Variants in OVCH1 observed in about 807,000 individuals in gnomAD.
OVCH1 encodes ovochymase-1.
In OVCH1, 139 loss-of-function variants were observed where a neutral mutation model predicts 138.4. That is an observed-to-expected ratio of 1.00 (90% CI 0.87 to 1.16). The LOEUF (loss-of-function observed/expected upper bound fraction) is 1.16. Among genes scored for constraint, OVCH1 ranks in the 50% most tolerant of loss-of-function variants. The probability of loss-of-function intolerance (pLI) is 0.00; values close to 1 mark genes in which losing one functional copy is unlikely to be tolerated. For missense variants in OVCH1, 1,367 were observed against 1,357.9 expected, an observed-to-expected ratio of 1.01 and a Z score of -0.11; for synonymous variants, 453 against 467.8, an observed-to-expected ratio of 0.97 and a Z score of 0.41.
chr12:29,440,968 G>A (rs1941469994), intron 25 of OVCH1, among the ~76,000 whole-genome samples: 1 of 152,062 alleles, frequency 6.6e-6, no homozygotes, highest in Non-Finnish European at 1.5e-5. Context: ...ATTACGCATT[G>A]GTATCCTTGA....
At chr12:29,450,683 TA>T (rs1423992181) in intron 22 of OVCH1, among the ~76,000 whole-genome samples, 2 of 152,180 alleles carry the variant, frequency 1.3e-5, no homozygotes, top group African/African-American at 4.8e-5. Context: ...CCCAAAGGAT[TA>T]TAAATCATTC....
downstream of OVCH1, among the ~76,000 whole-genome samples, chr12:29,410,317 T>G (rs1303790368): frequency 2.0e-5 from 3 of 151,186 alleles, no homozygotes; most frequent in African/African-American, 4.8e-5. Context: ...ATATTTAAAG[T>G]TAATATTTTT....
intron 22 of OVCH1, among the ~76,000 whole-genome samples, chr12:29,447,316 CAA>C (rs989003229): frequency 6.6e-6 from 1 of 151,724 alleles, no homozygotes; most frequent in Non-Finnish European, 1.5e-5. Flanking sequence ...AAAATAAAAG[CAA>C]AAAAGAAATT....
chr12:29,433,712 T>G, intron 27 of OVCH1: 1 of 1,402,044 alleles, frequency 7.1e-7, no homozygotes, highest in Non-Finnish European at 9.5e-7. Flanking sequence ...AATGTGAGAT[T>G]TTTTTCTATT....
intron 8 of OVCH1, among the ~76,000 whole-genome samples, chr12:29,480,159 C>T (rs1306389676): frequency 1.3e-5 from 2 of 152,076 alleles, no homozygotes; most frequent in Non-Finnish European, 2.9e-5. Flanking sequence ...AGTCCATCAT[C>T]CTGAATATAG....
At chr12:29,483,154 A>C (rs901679737) in intron 8 of OVCH1, among the ~76,000 whole-genome samples, 1 of 152,130 alleles carries the variant, frequency 6.6e-6, no homozygotes, top group Non-Finnish European at 1.5e-5. Flanking sequence ...ATACCTCTCA[A>C]AACATTGTTC....
chr12:29,485,959 AAAATAAAATAAAATAAATAAAT>A (rs749267133), intron 8 of OVCH1, among the ~76,000 whole-genome samples: 6,149 of 110,812 alleles, frequency 0.055, 154 homozygotes, highest in Middle Eastern at 0.12. Flanking sequence ...TAAATAAAAT[AAAATAAAATAAAATAAATAAAT>A]AAATAAATAA....
At chr12:29,466,140 T>A (rs1942310972) in intron 16 of OVCH1, among the ~76,000 whole-genome samples, 1 of 151,260 alleles carries the variant, frequency 6.6e-6, no homozygotes, top group African/African-American at 2.4e-5. Flanking sequence ...GAGATATACC[T>A]AATGTAAATG....
chr12:29,457,449 G>A lies in OVCH1; in HGVS notation c.2281-2044C>T, dbSNP rs186403313. Among the ~76,000 whole-genome samples the A allele has an allele frequency of 7.9e-4, 99 of 125,698 alleles. 1 individual carries two copies. The highest frequency in any genetic ancestry group is 2.5e-3 in the African/African-American group (83 of 33,828). The allele number at this position is 125,698 out of a possible 152,430, so 82.5% of individuals were successfully genotyped here. The stretch of plus-strand genomic sequence containing the variant: ...GACAGAGTCTTGCTCTGTCTCCCAG[G>A]CTGGAGTGCAGTGGTGTGATCTCGG... On this transcript the variant is annotated intron_variant, in intron 19 of 27. Transcript: ENST00000318184.
chr12:29,426,952 T>C (rs1005852779), downstream of OVCH1, among the ~76,000 whole-genome samples: 21 of 152,246 alleles, frequency 1.4e-4, no homozygotes, highest in African/African-American at 4.3e-4. Context: ...CAACATGGAT[T>C]GGACAGTGCA....
intron 22 of OVCH1, among the ~76,000 whole-genome samples, chr12:29,451,096 C>G (rs1006915652): frequency 2.0e-5 from 3 of 151,954 alleles, no homozygotes; most frequent in African/African-American, 7.3e-5. Flanking sequence ...AGCAAACCAC[C>G]ACGGCACGTG....
At chr12:29,408,566 CAT>C (rs1289808609), downstream of OVCH1, among the ~76,000 whole-genome samples, 3 of 125,538 alleles carry the variant, frequency 2.4e-5, no homozygotes, top group Non-Finnish European at 3.7e-5. Flanking sequence ...TTGAGATAAT[CAT>C]GTGGTTTTTG....
At chr12:29,496,112 G>C (rs894206654) in intron 3 of OVCH1, 69 bp downstream of exon 3, 243 of 1,393,386 alleles carry the variant, frequency 1.7e-4, no homozygotes, top group Non-Finnish European at 4.1e-5. Flanking sequence ...CTGCTATTTA[G>C]AGCAACAAAT....
At chr12:29,441,571 C>T (rs545666705) in intron 25 of OVCH1, among the ~76,000 whole-genome samples, 5 of 152,122 alleles carry the variant, frequency 3.3e-5, no homozygotes, top group African/African-American at 1.2e-4. Flanking sequence ...GCAAGGACTT[C>T]ATGTCTAAAA....
intron 8 of OVCH1, among the ~76,000 whole-genome samples, chr12:29,485,591 G>A (rs969126720): frequency 3.9e-5 from 6 of 151,986 alleles, no homozygotes; most frequent in African/African-American, 9.7e-5. Flanking sequence ...TGGCTAACAC[G>A]GTGAAAACAC....
downstream of OVCH1, among the ~76,000 whole-genome samples, chr12:29,422,951 A>T (rs10843416): frequency 6.6e-6 from 1 of 152,072 alleles, no homozygotes; most frequent in South Asian, 2.1e-4. Flanking sequence ...TTATTACCTC[A>T]GATGATTCAT....
chr12:29,468,417 C>G (rs1424221950), intron 16 of OVCH1, among the ~76,000 whole-genome samples: 1 of 152,120 alleles, frequency 6.6e-6, no homozygotes, highest in Non-Finnish European at 1.5e-5. Flanking sequence ...ATTGATTCAT[C>G]AAGTGGAATA....
chr12:29,441,329 A>G (rs1000401355), intron 25 of OVCH1, among the ~76,000 whole-genome samples: 1 of 152,174 alleles, frequency 6.6e-6, no homozygotes, highest in Non-Finnish European at 1.5e-5. Flanking sequence ...ATCTACAACT[A>G]TCTGATCTTT....
intron 8 of OVCH1, among the ~76,000 whole-genome samples, chr12:29,482,991 C>A (rs771233993): frequency 6.6e-6 from 1 of 152,220 alleles, no homozygotes; most frequent in Non-Finnish European, 1.5e-5. Context: ...ACTCTGCCTT[C>A]TAACTTCTAC....
Sources: gnomAD v4.1 joint callset for allele counts (sites outside exome capture counted in the v4.1 genomes callset) on GRCh38, gnomAD v4.1.1 for gene constraint, MANE v1.5 for transcripts, NCBI Gene and HGNC (gene_info 2026-07-23, HGNC 2026-07-21) for gene names.